Variants in LRRC36 observed in about 807,000 individuals in gnomAD.
The protein encoded by LRRC36 is leucine-rich repeat-containing protein 36.
In LRRC36, 62 loss-of-function variants were observed where a neutral mutation model predicts 81.1. The ratio of observed to expected loss-of-function variants is 0.76; its 90% CI spans 0.62 to 0.94. The LOEUF is 0.94. Ranked by LOEUF, LRRC36 falls within the 40% of genes least tolerant of loss-of-function variation. The probability of loss-of-function intolerance (pLI) is 0.00; values close to 1 mark genes in which losing one functional copy is unlikely to be tolerated. For synonymous variants in LRRC36, 334 were observed against 348.6 expected, an observed-to-expected ratio of 0.96 and a Z score of 0.47; for missense variants, 761 against 881.7, an observed-to-expected ratio of 0.86 and a Z score of 1.73.
At chr16:67,384,101 A>AT (rs2040206841) in intron 13 of LRRC36, among the ~76,000 whole-genome samples, 1 of 152,262 alleles carries the variant, frequency 6.6e-6, no homozygotes, top group African/African-American at 2.4e-5. Context: ...TCGTGCATAC[A>AT]TTTTTTTCTT....
At chr16:67,330,687 C>A (rs1463477204) in intron 1 of LRRC36, among the ~76,000 whole-genome samples, 1 of 151,958 alleles carries the variant, frequency 6.6e-6, no homozygotes. Flanking sequence ...CATGGTGAAA[C>A]CTCATCTGTA....
At chr16:67,366,567 C>T (rs759481329) in intron 7 of LRRC36, among the ~76,000 whole-genome samples, 3 of 151,776 alleles carry the variant, frequency 2.0e-5, no homozygotes, top group Non-Finnish European at 4.4e-5. Context: ...CTGGCCAACA[C>T]GGTGAAACCC....
chr16:67,384,756 T>C, intron 13 of LRRC36, 114 bp from the exon 14 acceptor site: 1 of 705,784 alleles, frequency 1.4e-6, no homozygotes, highest in Non-Finnish European at 2.5e-6. Context: ...GACAGTTCCT[T>C]CTATTTAAAG....
chr16:67,362,970 A>G (rs781657096), intron 5 of LRRC36, among the ~76,000 whole-genome samples: 2 of 152,168 alleles, frequency 1.3e-5, no homozygotes, highest in East Asian at 3.9e-4. Flanking sequence ...TTTAGTAGAG[A>G]CAGAGTTTCA....
At chr16:67,355,437 G>C (rs942416047) in intron 5 of LRRC36, among the ~76,000 whole-genome samples, 3 of 144,872 alleles carry the variant, frequency 2.1e-5, no homozygotes, top group African/African-American at 7.6e-5. Flanking sequence ...TGCAGTGGCG[G>C]GATCTCGGCT....
At position 67,347,480 on chromosome 16, in the gene LRRC36, G is replaced by C. The variant is rs79636320; in HGVS notation, c.392-15G>C. 155,978 of 1,612,202 alleles carry C rather than the reference G, an allele frequency of 0.097. 8,590 individuals are homozygous for C. Among genetic ancestry groups the C allele is most frequent in the Non-Finnish European group, 0.11 (134,313 of 1,178,602 alleles). On this transcript the variant is annotated splice_polypyrimidine_tract_variant and intron_variant, in intron 3 of 13. Transcript: ENST00000329956. ...AAAAAAAGAAACATGCTCAGACCAC[G>C]GTTTTTGCCTCCAGATGACCGAACT...
At chr16:67,373,430 G>A (rs968223435) in intron 9 of LRRC36, among the ~76,000 whole-genome samples, 1 of 150,614 alleles carries the variant, frequency 6.6e-6, no homozygotes, top group East Asian at 2.0e-4. Flanking sequence ...GGCATGGACC[G>A]GGCACAGTGG....
intron 3 of LRRC36, 50 bp from the exon 4 acceptor site, chr16:67,347,445 T>C: frequency 6.2e-7 from 1 of 1,608,256 alleles, no homozygotes; most frequent in Non-Finnish European, 8.5e-7. Context: ...CTACTAGTTA[T>C]GTCTATGCCA....
chr16:67,327,987 G>C (rs1044682210), intron 1 of LRRC36, among the ~76,000 whole-genome samples: 3 of 152,038 alleles, frequency 2.0e-5, no homozygotes, highest in African/African-American at 7.2e-5. Flanking sequence ...TATTTGAGGG[G>C]AAGAGACAGT....
intron 5 of LRRC36, among the ~76,000 whole-genome samples, chr16:67,355,400 A>G (rs2038852348): frequency 2.1e-5 from 2 of 97,532 alleles, no homozygotes; most frequent in African/African-American, 7.8e-5. Flanking sequence ...TTTGAGACGG[A>G]GTCTCGCTCT....
chr16:67,336,057 C>T (rs980893527), intron 1 of LRRC36, among the ~76,000 whole-genome samples: 2 of 152,118 alleles, frequency 1.3e-5, no homozygotes, highest in African/African-American at 4.8e-5. Flanking sequence ...TTATTGTTGC[C>T]TTTTTCAGAA....
chr16:67,365,231 AC>A (rs2039329311), intron 6 of LRRC36, 72 bp from the exon 7 acceptor site: 3 of 886,906 alleles, frequency 3.4e-6, no homozygotes, highest in Admixed American at 4.2e-5. Context: ...GGTATTCTGA[AC>A]CCCTAGTCTA....
chr16:67,373,815 C>CA (rs1376769453), intron 9 of LRRC36, among the ~76,000 whole-genome samples: 1 of 151,542 alleles, frequency 6.6e-6, no homozygotes, highest in Non-Finnish European at 1.5e-5. Context: ...AGTTTTTGAC[C>CA]AGCCTGGCCA....
chr16:67,341,899 G>A, intron 1 of LRRC36, 58 bp from the exon 2 acceptor site: 1 of 1,465,006 alleles, frequency 6.8e-7, no homozygotes, highest in East Asian at 2.3e-5. Context: ...TACTTTCACT[G>A]ACTCTGCTGT....
intron 6 of LRRC36, among the ~76,000 whole-genome samples, chr16:67,364,775 T>C (rs1285580129): frequency 6.6e-6 from 1 of 152,206 alleles, no homozygotes; most frequent in Non-Finnish European, 1.5e-5. Flanking sequence ...ATCTTTTTAG[T>C]TTAAGAAATA....
intron 1 of LRRC36, among the ~76,000 whole-genome samples, chr16:67,331,223 G>T (rs1349519460): frequency 1.3e-5 from 2 of 152,102 alleles, no homozygotes; most frequent in Non-Finnish European, 2.9e-5. Context: ...GCCCCACCTC[G>T]CAGTGCTGTT....
At chr16:67,341,868 G>A in intron 1 of LRRC36, 89 bp from the exon 2 acceptor site, 1 of 1,036,158 alleles carries the variant, frequency 9.7e-7, no homozygotes, top group Non-Finnish European at 1.4e-6. Flanking sequence ...GCACAGTTGA[G>A]ATATGGGAGG....
chr16:67,359,086 G>A (rs1320649839), intron 5 of LRRC36, among the ~76,000 whole-genome samples: 5 of 152,162 alleles, frequency 3.3e-5, no homozygotes, highest in African/African-American at 1.2e-4. Flanking sequence ...AAGTAAAATT[G>A]TGCAACTGTT....
At chr16:67,348,745 C>T (rs913936590) in intron 4 of LRRC36, 2 of 152,146 alleles carry the variant, frequency 1.3e-5, no homozygotes, top group South Asian at 4.1e-4. Context: ...ACATAAACTC[C>T]ATGAGAACAA....
Sources: gnomAD v4.1 joint callset for allele counts (sites outside exome capture counted in the v4.1 genomes callset) on GRCh38, gnomAD v4.1.1 for gene constraint, MANE v1.5 for transcripts, NCBI Gene and HGNC (gene_info 2026-07-23, HGNC 2026-07-21) for gene names.